The following CYP2J2 variants were observed in gnomAD, a reference collection of about 807,000 sequenced individuals.
CYP2J2 encodes the protein cytochrome P450 2J2.
In CYP2J2, 41 loss-of-function variants were observed where a neutral mutation model predicts 48.8. The observed-to-expected ratio is 0.84, with a 90% CI of 0.66 to 1.09. CYP2J2 has a LOEUF of 1.09. Ranked by LOEUF, CYP2J2 falls within the 50% of genes least tolerant of loss-of-function variation. The probability of loss-of-function intolerance (pLI) is 0.00; values close to 1 mark genes in which losing one functional copy is unlikely to be tolerated. For synonymous variants in CYP2J2, 221 were observed against 227.1 expected (o/e 0.97, Z 0.24); for missense variants, 644 against 617.3 (o/e 1.04, Z -0.46).
Position 59,905,048 on chromosome 1 carries a change from T to G in CYP2J2, c.1014A>C (p.Gln338His). 1 of 1,612,510 alleles carries G rather than the reference T, an allele frequency of 6.2e-7. No individual in the cohort carries two copies. The highest frequency in any genetic ancestry group is 8.5e-7 in the Non-Finnish European group (1 of 1,179,690). The change falls in exon 7 of 9, where the codon CAA becomes CAC. Residue 338 changes from glutamine (Q) to histidine (H), a missense_variant. By Grantham distance (24) the Gln-to-His change is conservative. Transcript: ENST00000371204. ...ALYPEIQEKVQAEIDRVIGQG... is the reference protein window; with the variant it reads ...ALYPEIQEKVHAEIDRVIGQG... Reference sequence around the variant, plus strand: ...GGCCAATCACTCTGTCAATCTCAGCTTGTACTTTTTCTGGTAAAGAGGGAA... The same window carrying G: ...GGCCAATCACTCTGTCAATCTCAGCGTGTACTTTTTCTGGTAAAGAGGGAA...
At chr1:59,899,090 C>T (rs923363838) in intron 8 of CYP2J2, among the ~76,000 whole-genome samples, 21 of 152,206 alleles carry the variant, frequency 1.4e-4, no homozygotes, top group Admixed American at 1.3e-3. Context: ...AGATTCCTCT[C>T]ATCACGGTTG....
the CYP2J2 span, among the ~76,000 whole-genome samples, chr1:59,949,019 G>A: frequency 2.3e-4 from 35 of 151,588 alleles, no homozygotes; most frequent in African/African-American, 7.0e-4. Context: ...TGCAGCTTGG[G>A]CAACATAGTG....
chr1:59,938,619 G>C, the CYP2J2 span, among the ~76,000 whole-genome samples: 21 of 151,474 alleles, frequency 1.4e-4, no homozygotes, highest in African/African-American at 4.8e-4. Flanking sequence ...ATGTACAATC[G>C]GGTTTTATAC....
chr1:59,898,606 A>C (rs1455950405), intron 8 of CYP2J2, among the ~76,000 whole-genome samples: 3 of 152,224 alleles, frequency 2.0e-5, no homozygotes, highest in Non-Finnish European at 1.5e-5. Context: ...AAATTAGTGA[A>C]TCTTAGGCCT....
At chr1:59,946,208 CTTCT>C in the CYP2J2 span, among the ~76,000 whole-genome samples, 1 of 152,176 alleles carries the variant, frequency 6.6e-6, no homozygotes, top group African/African-American at 2.4e-5. Context: ...GGATTCTCAC[CTTCT>C]TTTAGTCTAC....
intron 2 of CYP2J2, among the ~76,000 whole-genome samples, 189 bp downstream of exon 2, chr1:59,915,749 T>A (rs755076600): frequency 6.6e-6 from 1 of 152,180 alleles, no homozygotes; most frequent in Non-Finnish European, 1.5e-5. Context: ...TGAGGGATGA[T>A]CTTATCAAAT....
rs772463716 is a variant in CYP2J2 at position 59,901,040 on chromosome 1, CA to C, written c.1254del (p.Asp419ThrfsTer25). The C allele has an allele frequency of 1.2e-6, 2 of 1,614,162 alleles. No individual in the cohort carries two copies. Among genetic ancestry groups the C allele is most frequent in the Non-Finnish European group, 1.7e-6 (2 of 1,179,998 alleles). On this transcript the variant is annotated frameshift_variant, in exon 8 of 9. Transcript: ENST00000371204. LOFTEE classifies it high-confidence loss of function. ...AGAAAATGGTCCGGATTGAATGTGT[CA>C]GGGGTGGCCCACTCTGTGGGGTCCC... is the stretch of plus-strand genomic sequence containing the variant. ...LHRDPTEWAT[P>X]DTFNPDHFLE...
chr1:59,908,974 T>C (rs1644387796), intron 5 of CYP2J2, among the ~76,000 whole-genome samples: 1 of 152,152 alleles, frequency 6.6e-6, no homozygotes, highest in Non-Finnish European at 1.5e-5. Context: ...GCGAAAATGG[T>C]AGGTCATTGG....
intron 1 of CYP2J2, among the ~76,000 whole-genome samples, chr1:59,925,965 T>C (rs1030735311): frequency 1.3e-5 from 2 of 152,138 alleles, no homozygotes; most frequent in African/African-American, 2.4e-5. Context: ...GATTATTGTA[T>C]AGAGACGGAA....
the CYP2J2 span, among the ~76,000 whole-genome samples, chr1:59,964,283 C>T: frequency 2.0e-5 from 3 of 152,224 alleles, no homozygotes; most frequent in Non-Finnish European, 2.9e-5. Context: ...CTGCCTGGCA[C>T]TGACAGTGTG....
chr1:59,926,743 G>T lies in CYP2J2; in HGVS notation c.4C>A (p.Leu2Ile), dbSNP rs1376828970. 6.2e-7 allele frequency: 1 copy of T among 1,612,304 alleles called. No homozygotes were observed. The highest frequency in any genetic ancestry group is 8.5e-7 in the Non-Finnish European group (1 of 1,179,286). ...GCCGCCAGAGAGCCCATCGCCGCGA[G>T]CATGGCTCAGACGTCCTCCTGCTCT... M[L>I]AAMGSLAAAL... is the part of the protein sequence containing the mutation. Residue 2 changes from leucine to isoleucine, a missense_variant, in exon 1 of 9, where the codon CTC becomes ATC. Coordinates refer to ENST00000371204, the MANE Select transcript of CYP2J2 (RefSeq NM_000775.4).
At chr1:59,965,161 A>G in the CYP2J2 span, among the ~76,000 whole-genome samples, 3 of 152,326 alleles carry the variant, frequency 2.0e-5, no homozygotes, top group South Asian at 6.2e-4. Flanking sequence ...AACAGTAGCG[A>G]TGTTGGTGGA....
At chr1:59,902,960 A>G (rs1644333681) in intron 7 of CYP2J2, among the ~76,000 whole-genome samples, 1 of 152,228 alleles carries the variant, frequency 6.6e-6, no homozygotes, top group African/African-American at 2.4e-5. Flanking sequence ...GTAACACACA[A>G]TTATTTCAAC....
chr1:59,947,405 G>C, the CYP2J2 span, among the ~76,000 whole-genome samples: 3 of 152,234 alleles, frequency 2.0e-5, no homozygotes, highest in African/African-American at 7.2e-5. Flanking sequence ...CTTAAGACAG[G>C]CAATATAAAA....
At chr1:59,922,338 T>G (rs981233290) in intron 1 of CYP2J2, among the ~76,000 whole-genome samples, 1 of 152,262 alleles carries the variant, frequency 6.6e-6, no homozygotes, top group African/African-American at 2.4e-5. Context: ...GTGCCCATCA[T>G]GAAGATGAAA....
rs1358954005 is a variant in CYP2J2 at position 59,912,311 on chromosome 1, C to A, written c.374G>T (p.Gly125Val). ...TGCCTGGCCACTTGACATAATCAAT[C>A]CTGGGAAAAAGAAAGTCAACATTAC... ...PMREHIFKKN[G>V]LIMSSGQAWK... Residue 125 changes from glycine (G) to valine (V), a missense_variant and splice_region_variant, in exon 3 of 9, where the codon GGA (glycine) becomes GTA (valine). Transcript: ENST00000371204. 6.2e-7 allele frequency: 1 copy of A among 1,609,404 alleles called. No homozygotes were observed. Among genetic ancestry groups the A allele is most frequent in the Non-Finnish European group, 8.5e-7 (1 of 1,178,458 alleles).
intron 6 of CYP2J2, 71 bp from the exon 7 acceptor site, chr1:59,905,129 T>G: frequency 3.2e-5 from 46 of 1,433,098 alleles, no homozygotes; most frequent in Non-Finnish European, 4.1e-5. Context: ...ATGAGTGGTC[T>G]CCAAGATGTC....
chr1:59,899,488 C>T (rs927101191), intron 8 of CYP2J2, among the ~76,000 whole-genome samples: 1 of 152,180 alleles, frequency 6.6e-6, no homozygotes, highest in African/African-American at 2.4e-5. Context: ...CTTTCTGAGC[C>T]TCAGTGTCAT....
chr1:59,918,969 G>T (rs1644489724), intron 1 of CYP2J2, among the ~76,000 whole-genome samples: 3 of 152,110 alleles, frequency 2.0e-5, no homozygotes, highest in African/African-American at 7.2e-5. Context: ...GCTACCAAGA[G>T]ATATAAAGTT....
Sources: gnomAD v4.1 joint callset for allele counts (sites outside exome capture counted in the v4.1 genomes callset) on GRCh38, gnomAD v4.1.1 for gene constraint, MANE v1.5 for transcripts, NCBI Gene and HGNC (gene_info 2026-07-23, HGNC 2026-07-21) for gene names.